The following MACF1 variants were observed in gnomAD, a reference collection of about 807,000 sequenced individuals.
MACF1 encodes microtubule actin crosslinking factor 1.
Under a neutral mutation model 854.8 loss-of-function variants are expected in MACF1, and 193 were observed. That is an observed-to-expected ratio of 0.23 (90% CI 0.20 to 0.25). The LOEUF is 0.25. Ranked by LOEUF, MACF1 falls within the 10% of genes least tolerant of loss-of-function variation. MACF1 has a pLI of 1.00. For synonymous variants in MACF1, 3,185 were observed against 3,226.7 expected (o/e 0.99, Z 0.44); for missense variants, 7,722 against 8,929.1 (o/e 0.86, Z 5.45).
At chr1:39,113,785 C>T (rs918040920) in intron 2 of MACF1, among the ~76,000 whole-genome samples, 2 of 152,174 alleles carry the variant, frequency 1.3e-5, no homozygotes, top group Admixed American at 6.5e-5. Flanking sequence ...CCTGTAATCC[C>T]AGCACTTTGG....
intron 2 of MACF1, among the ~76,000 whole-genome samples, chr1:39,198,410 T>G (rs887117641): frequency 4.6e-5 from 7 of 150,960 alleles, no homozygotes; most frequent in Non-Finnish European, 1.0e-4. Flanking sequence ...CCCAGCACTT[T>G]GGGAGGCTGA....
intron 38 of MACF1, among the ~76,000 whole-genome samples, chr1:39,337,562 A>ATTTTTTTT (rs35312351): frequency 1.4e-4 from 14 of 100,148 alleles, no homozygotes; most frequent in South Asian, 3.6e-4. Context: ...AATTACTACC[A>ATTTTTTTT]TTTTTTTTTT....
chr1:39,265,046 G>T (rs980183305), intron 6 of MACF1, among the ~76,000 whole-genome samples: 3 of 152,190 alleles, frequency 2.0e-5, no homozygotes, highest in African/African-American at 7.2e-5. Context: ...TCTTCTAAAA[G>T]ATACTATAAA....
rs764446091 is a variant in MACF1 at position 39,084,467 on chromosome 1, G to C, written c.220+29G>C. The C allele has an allele frequency of 6.3e-7, 1 of 1,583,610 alleles. No individual in the cohort carries two copies. Among genetic ancestry groups the C allele is most frequent in the African/African-American group, 1.3e-5 (1 of 74,508 alleles). On this transcript the variant is annotated intron_variant, in intron 2 of 93. Coordinates refer to the MACF1 transcript ENST00000361689. The surrounding 1 kb of genome is among the most constrained non-coding windows in gnomAD (Gnocchi z 5.2). ...AGAGAGGTCCCCCAGCAGGCTGGAC[G>C]CTGTGGGTGTGAGGGAGGAATGGGC...
chr1:39,102,806 G>A, intron 2 of MACF1: 1 of 702,562 alleles, frequency 1.4e-6, no homozygotes. Flanking sequence ...AGACCAAAAG[G>A]AGAAAGCCTC....
chr1:39,477,822 CATT>C (rs1245701590), intron 97 of MACF1, among the ~76,000 whole-genome samples: 1 of 152,060 alleles, frequency 6.6e-6, no homozygotes, highest in Admixed American at 6.6e-5. Context: ...CAGTCAGCTG[CATT>C]ATTGCACATT....
chr1:39,448,293 AT>A, intron 83 of MACF1, 141 bp downstream of exon 83: 1 of 967,860 alleles, frequency 1.0e-6, no homozygotes, highest in Non-Finnish European at 1.5e-6. Context: ...CCAGGGTTCC[AT>A]TTTATATCTA....
At chr1:39,188,616 C>G (rs1644208154) in intron 2 of MACF1, among the ~76,000 whole-genome samples, 1 of 152,080 alleles carries the variant, frequency 6.6e-6, no homozygotes, top group Non-Finnish European at 1.5e-5. Context: ...CGTTCATTGT[C>G]AAAGTTTATT....
chr1:39,219,216 A>G (rs1326056109), intron 1 of MACF1, among the ~76,000 whole-genome samples: 2 of 152,214 alleles, frequency 1.3e-5, no homozygotes, highest in Non-Finnish European at 2.9e-5. Context: ...ATGAATCCCT[A>G]TTATAGTTAG....
At chr1:39,438,605 T>G (rs564334111) in intron 71 of MACF1, among the ~76,000 whole-genome samples, 1 of 151,974 alleles carries the variant, frequency 6.6e-6, no homozygotes, top group Admixed American at 6.6e-5. Context: ...GCCAACATAG[T>G]GAAATTTTGT....
At chr1:39,254,696 T>C (rs1645078834) in intron 5 of MACF1, 1 of 296,186 alleles carries the variant, frequency 3.4e-6, no homozygotes, top group African/African-American at 2.2e-5. Flanking sequence ...GGAAAAAAGG[T>C]GTGGCATCCA....
chr1:39,100,791 T>A (rs1054397036), intron 2 of MACF1, among the ~76,000 whole-genome samples: 2 of 151,104 alleles, frequency 1.3e-5, no homozygotes, highest in East Asian at 3.9e-4. Context: ...GAGGTGGAGG[T>A]TGCAGTGAGC....
At chr1:39,459,981 T>G in intron 91 of MACF1, 1 of 494,594 alleles carries the variant, frequency 2.0e-6, no homozygotes, top group South Asian at 2.0e-5. Flanking sequence ...TCATTTTGAG[T>G]GTATATCATT....
intron 58 of MACF1, among the ~76,000 whole-genome samples, chr1:39,399,525 C>T (rs1387717074): frequency 6.6e-6 from 1 of 152,082 alleles, no homozygotes; most frequent in Non-Finnish European, 1.5e-5. Context: ...CAGGCACGCA[C>T]CATCTTGCCT....
chr1:39,372,917 G>A lies in MACF1; in HGVS notation c.13213+321G>A, dbSNP rs558136722. ...TTTTTTGAATGTGTAAATGGGATGG[G>A]TAAGCATCATCTTTAAACTTGGGCA... is the stretch of plus-strand genomic sequence containing the variant. On this transcript the variant is annotated intron_variant, in intron 52 of 100. Transcript: ENST00000564288. 539 of 270,772 alleles carry A rather than the reference G, an allele frequency of 2.0e-3. 1 individual carries two copies. Among genetic ancestry groups the A allele is most frequent in the Non-Finnish European group, 2.8e-3 (405 of 142,530 alleles). 16.8% of individuals were successfully genotyped at this position (270,772 alleles called of 1,614,324 possible). A position where few individuals can be genotyped will look rare whatever the true frequency, so the allele number is the denominator to read the frequency against.
At chr1:39,429,717 A>G (rs12089720) in intron 64 of MACF1, 110 bp from the exon 65 acceptor site, 2 of 1,054,272 alleles carry the variant, frequency 1.9e-6, no homozygotes, top group South Asian at 1.5e-5. Context: ...ATTACCACAG[A>G]GAGAGAGAGA....
At chr1:39,384,260 T>C (rs1450299615) in intron 56 of MACF1, among the ~76,000 whole-genome samples, 2 of 152,194 alleles carry the variant, frequency 1.3e-5, no homozygotes, top group Non-Finnish European at 2.9e-5. Flanking sequence ...AGTTCTGTGT[T>C]GCGTGTTCAC....
chr1:39,314,357 TGAG>T (rs1646364340), intron 26 of MACF1, among the ~76,000 whole-genome samples: 1 of 151,658 alleles, frequency 6.6e-6, no homozygotes, highest in Admixed American at 6.6e-5. Context: ...TGCAGTGAGC[TGAG>T]ATCGTGCCAT....
intron 56 of MACF1, among the ~76,000 whole-genome samples, chr1:39,382,849 A>G (rs1324065043): frequency 2.0e-5 from 3 of 151,700 alleles, no homozygotes; most frequent in Non-Finnish European, 4.4e-5. Flanking sequence ...GGCCGGGTGC[A>G]GTGGCTCACA....
Sources: gnomAD v4.1 joint callset for allele counts (sites outside exome capture counted in the v4.1 genomes callset) on GRCh38, gnomAD v4.1.1 for gene constraint, Gnocchi (gnomAD v3.1) non-coding constraint, MANE v1.5 for transcripts, NCBI Gene and HGNC (gene_info 2026-07-23, HGNC 2026-07-21) for gene names.